Variants in KAZN observed in about 807,000 individuals in gnomAD.
KAZN encodes the protein kazrin, periplakin interacting protein.
KAZN carries 40 observed loss-of-function variants against 87.4 expected under a neutral mutation model. The ratio of observed to expected loss-of-function variants is 0.46; its 90% CI spans 0.36 to 0.60. The LOEUF is 0.60. Among genes scored for constraint, KAZN ranks in the 20% least tolerant of loss-of-function variants. The pLI is 0.00. For synonymous variants in KAZN, 466 were observed against 458.3 expected (o/e 1.02, Z -0.22); for missense variants, 898 against 1,073.9 (o/e 0.84, Z 2.29).
intron 2 of KAZN, among the ~76,000 whole-genome samples, chr1:14,448,671 G>T (rs1667111978): frequency 6.6e-6 from 1 of 152,176 alleles, no homozygotes; most frequent in African/African-American, 2.4e-5. Flanking sequence ...ATAGATTATT[G>T]GCACAGGAAT....
intron 2 of KAZN, among the ~76,000 whole-genome samples, chr1:15,024,140 G>A (rs909527639): frequency 1.3e-4 from 20 of 152,254 alleles, no homozygotes; most frequent in Middle Eastern, 6.8e-3. Flanking sequence ...CCTGTGGTTG[G>A]ACTGAAGCCA....
chr1:14,729,581 T>C (rs534266656), intron 1 of KAZN, among the ~76,000 whole-genome samples: 1 of 152,284 alleles, frequency 6.6e-6, no homozygotes, highest in Non-Finnish European at 1.5e-5. Flanking sequence ...GACCTTCAGG[T>C]TGGTCACAAA....
chr1:14,299,364 G>A (rs1400040251), intron 2 of KAZN, among the ~76,000 whole-genome samples: 7 of 151,990 alleles, frequency 4.6e-5, no homozygotes, highest in African/African-American at 7.3e-5. Context: ...TTAGCCAGGC[G>A]TGTTGGCATG....
At chr1:13,941,295 G>A (rs150917213) in intron 1 of KAZN, among the ~76,000 whole-genome samples, 65 of 152,002 alleles carry the variant, frequency 4.3e-4, no homozygotes, top group African/African-American at 1.5e-3. Context: ...TTTCATACCT[G>A]CTCACACACT....
chr1:14,132,369 G>A (rs1264387772), intron 1 of KAZN, among the ~76,000 whole-genome samples: 1 of 152,084 alleles, frequency 6.6e-6, no homozygotes, highest in Non-Finnish European at 1.5e-5. Flanking sequence ...TACTACCAGG[G>A]TCCTAGGAAC....
intron 1 of KAZN, among the ~76,000 whole-genome samples, chr1:14,069,258 G>A (rs565770826): frequency 6.6e-6 from 1 of 152,302 alleles, no homozygotes; most frequent in Non-Finnish European, 1.5e-5. Flanking sequence ...ATGAGGAGGG[G>A]CTGCTTGTCC....
intron 1 of KAZN, among the ~76,000 whole-genome samples, chr1:13,975,748 T>A (rs752196770): frequency 6.6e-6 from 1 of 152,126 alleles, no homozygotes; most frequent in Non-Finnish European, 1.5e-5. Flanking sequence ...GGAACACGAG[T>A]CACGTCATGA....
chr1:14,796,418 G>A lies in KAZN; in HGVS notation c.227-164266G>A, dbSNP rs117721354. ...GTGACAACCACATCTCCACCACCCC[G>A]CCTTCACATGAGCTCCATGGCTCCA... On this transcript the variant is annotated intron_variant, in intron 1 of 14. Coordinates refer to ENST00000376030, the MANE Select transcript of KAZN (RefSeq NM_201628.3). Among the ~76,000 whole-genome samples, 441 of 152,174 alleles carry A rather than the reference G, an allele frequency of 2.9e-3. 5 individuals carry two copies. The highest frequency in any genetic ancestry group is 0.016 in the Admixed American group (237 of 15,282).
At position 14,967,218 on chromosome 1, in the gene KAZN, G is replaced by GGT. The variant is rs1664558848; in HGVS notation, c.418+6343_418+6344insGT. ...TTCCCTCCCTCTCCCTCCCTTTGCA[G>GGT]CCTGGTCACTGTCCTTCTGGCACAT... On this transcript the variant is annotated intron_variant, in intron 2 of 14. Coordinates refer to ENST00000376030, the MANE Select transcript of KAZN (RefSeq NM_201628.3). Among the ~76,000 whole-genome samples, 29 of 152,102 alleles carry GGT rather than the reference G, an allele frequency of 1.9e-4. 1 individual carries two copies. Among genetic ancestry groups the GGT allele is most frequent in the Non-Finnish European group, 1.5e-5 (1 of 68,022 alleles).
In KAZN at chr1:14,729,757, A is replaced by G. The variant is rs548769479; in HGVS notation, c.226+130534A>G. On this transcript the variant is annotated intron_variant, in intron 1 of 14. Coordinates refer to ENST00000376030, the MANE Select transcript of KAZN (RefSeq NM_201628.3). Reference sequence around the variant, plus strand: ...CAGAGACCTCACTAACCGAATAACAACACTAAGGCCCTGCAGCAGGGGGCA... The same window carrying G: ...CAGAGACCTCACTAACCGAATAACAGCACTAAGGCCCTGCAGCAGGGGGCA... Among the ~76,000 whole-genome samples the G allele has an allele frequency of 5.3e-5, 8 of 152,244 alleles. No individual in the cohort carries two copies. The South Asian group carries it at 1.7e-3, about 32-fold the overall frequency.
At chr1:14,474,639 A>G (rs1016847965) in intron 2 of KAZN, among the ~76,000 whole-genome samples, 2 of 152,192 alleles carry the variant, frequency 1.3e-5, no homozygotes. Flanking sequence ...TTTAAATACA[A>G]TGACAATATA....
At chr1:14,036,114 C>T (rs1239864869) in intron 1 of KAZN, among the ~76,000 whole-genome samples, 1 of 152,148 alleles carries the variant, frequency 6.6e-6, no homozygotes, top group Non-Finnish European at 1.5e-5. Context: ...GGGGGAACAG[C>T]ACATGCAAAA....
At chr1:15,063,437 T>TCCCCACTGCAGAGGCAGGGTGGCCC in intron 6 of KAZN, 135 bp from the exon 7 acceptor site, 1 of 734,096 alleles carries the variant, frequency 1.4e-6, no homozygotes, top group Non-Finnish European at 2.4e-6. Flanking sequence ...GGGGGTGGGC[T>TCCCCACTGCAGAGGCAGGGTGGCCC]CCCCACTGCA....
intron 2 of KAZN, among the ~76,000 whole-genome samples, chr1:14,368,770 C>G (rs1660220052): frequency 6.6e-6 from 1 of 152,206 alleles, no homozygotes; most frequent in South Asian, 2.1e-4. Flanking sequence ...TTTATAGTGT[C>G]TAAAGCAACT....
chr1:15,078,728 G>T (rs114423057), intron 8 of KAZN, among the ~76,000 whole-genome samples: 1 of 152,146 alleles, frequency 6.6e-6, no homozygotes. Flanking sequence ...TCTGCAGCGC[G>T]CATGCTGTTC....
Position 14,938,081 on chromosome 1 carries a change from A to G in KAZN, c.227-22603A>G, listed in dbSNP as rs1011091464. Among the ~76,000 whole-genome samples the G allele has an allele frequency of 7.2e-5, 11 of 152,282 alleles. No homozygotes were observed. In the East Asian group the frequency reaches 2.1e-3, roughly 29 times the overall value. On this transcript the variant is annotated intron_variant, in intron 1 of 14. Coordinates refer to ENST00000376030, the MANE Select transcript of KAZN (RefSeq NM_201628.3). ...AGTGTGGGGACGTTGGAGTCTATGT[A>G]CCAAGTGCTTAGGGTCATAGAGCCC...
At chr1:14,505,025 G>C (rs908733292) in intron 2 of KAZN, among the ~76,000 whole-genome samples, 2 of 152,192 alleles carry the variant, frequency 1.3e-5, no homozygotes, top group Non-Finnish European at 2.9e-5. Context: ...TGTAGCTCAG[G>C]AGGGAACTAG....
At chr1:14,698,137 C>A (rs984118050) in intron 1 of KAZN, among the ~76,000 whole-genome samples, 1 of 152,178 alleles carries the variant, frequency 6.6e-6, no homozygotes, top group Non-Finnish European at 1.5e-5. Context: ...TCCTAGGGAA[C>A]GGGTGTGAAT....
chr1:14,722,593 G>T (rs1215608835), intron 1 of KAZN, among the ~76,000 whole-genome samples: 1 of 152,160 alleles, frequency 6.6e-6, no homozygotes, highest in Non-Finnish European at 1.5e-5. Context: ...GCATACCTTT[G>T]TAAAATAAAA....
Sources: gnomAD v4.1 joint callset for allele counts (sites outside exome capture counted in the v4.1 genomes callset) on GRCh38, gnomAD v4.1.1 for gene constraint, MANE v1.5 for transcripts, NCBI Gene and HGNC (gene_info 2026-07-23, HGNC 2026-07-21) for gene names.